The following ZNF277 variants were observed in gnomAD, a reference collection of about 807,000 sequenced individuals.
ZNF277 encodes the protein zinc finger protein 277, also known as nuclear receptor-interacting factor 4.
In ZNF277, 55 loss-of-function variants were observed where a neutral mutation model predicts 60.7. That is an observed-to-expected ratio of 0.91 (90% CI 0.73 to 1.13). The LOEUF is 1.13. Ranked by LOEUF, ZNF277 falls within the 50% of genes most tolerant of loss-of-function variation. ZNF277 has a pLI of 0.00. For synonymous variants in ZNF277, 178 were observed against 179.3 expected, an observed-to-expected ratio of 0.99 and a Z score of 0.06; for missense variants, 510 against 523.0, an observed-to-expected ratio of 0.98 and a Z score of 0.24.
rs922510451 is a variant in ZNF277 at position 112,243,736 on chromosome 7, A to G, written c.91+36929A>G. On this transcript the variant is annotated intron_variant, in intron 1 of 11. Coordinates refer to ENST00000361822, the MANE Select transcript of ZNF277 (RefSeq NM_021994.3). ...GTAAACTAGTACAACCATTATGGAA[A>G]ACATTTGAACATTTGTCAAAGAATT... Among the ~76,000 whole-genome samples the G allele has an allele frequency of 1.3e-5, 2 of 152,064 alleles. 1 individual carries two copies. The highest frequency in any genetic ancestry group is 4.1e-4 in the South Asian group (2 of 4,834).
chr7:112,231,844 T>C (rs1055979032), intron 1 of ZNF277, among the ~76,000 whole-genome samples: 1 of 152,028 alleles, frequency 6.6e-6, no homozygotes, highest in African/African-American at 2.4e-5. Flanking sequence ...TATGTATTCT[T>C]TCTGACTAGC....
At position 112,217,379 on chromosome 7, in the gene ZNF277, A is replaced by G. The variant is rs562544461; in HGVS notation, c.91+10572A>G. Among the ~76,000 whole-genome samples the G allele has an allele frequency of 3.5e-3, 526 of 152,372 alleles. 1 individual carries two copies. The highest frequency in any genetic ancestry group is 3.8e-3 in the Non-Finnish European group (261 of 68,024). On this transcript the variant is annotated intron_variant, in intron 1 of 11. Transcript: ENST00000361822. ...CAATACATTTTGCCTAGAGAAAATG[A>G]TAAGTAAATGGCAGCAATGGAAAAG...
At chr7:112,235,342 A>G (rs983924300) in intron 1 of ZNF277, among the ~76,000 whole-genome samples, 2 of 152,074 alleles carry the variant, frequency 1.3e-5, no homozygotes, top group African/African-American at 4.8e-5. Context: ...TGAACTGTCA[A>G]ACTGTTATAA....
intron 1 of ZNF277, among the ~76,000 whole-genome samples, chr7:112,226,586 A>T (rs989797942): frequency 6.6e-6 from 1 of 152,158 alleles, no homozygotes; most frequent in Non-Finnish European, 1.5e-5. Flanking sequence ...TTTCTGACCT[A>T]CTGTTCCAGA....
chr7:112,207,450 AAAAGG>A (rs1181006515), intron 1 of ZNF277, among the ~76,000 whole-genome samples: 1 of 152,206 alleles, frequency 6.6e-6, no homozygotes, highest in Admixed American at 6.5e-5. Flanking sequence ...TTAGAGAAAG[AAAAGG>A]AAAGTGATAG....
chr7:112,209,433 G>C (rs1208342201), intron 1 of ZNF277, among the ~76,000 whole-genome samples: 1 of 152,112 alleles, frequency 6.6e-6, no homozygotes, highest in Non-Finnish European at 1.5e-5. Context: ...ATGACTAGTA[G>C]ATTGAATTAA....
chr7:112,337,003 G>T (rs1483420566), intron 8 of ZNF277, among the ~76,000 whole-genome samples: 1 of 152,176 alleles, frequency 6.6e-6, no homozygotes, highest in Non-Finnish European at 1.5e-5. Flanking sequence ...TGTGAATTGG[G>T]TTAGGTTGAT....
At chr7:112,247,841 G>A (rs886185221) in intron 1 of ZNF277, among the ~76,000 whole-genome samples, 7 of 151,864 alleles carry the variant, frequency 4.6e-5, no homozygotes, top group South Asian at 4.2e-4. Context: ...GGTTGCGGGC[G>A]CCTGTAATCT....
rs979124350 is a variant in ZNF277 at position 112,294,082 on chromosome 7, C to T, written c.294-1787C>T. The stretch of plus-strand genomic sequence containing the variant: ...TTCTACTGTGTTCCTTCATCCCTGT[C>T]ACCACTTTGTAATAGAAAATGTGCT... On this transcript the variant is annotated intron_variant, in intron 2 of 11. Transcript: ENST00000361822. 2.6e-5 allele frequency among the ~76,000 whole-genome samples: 4 copies of T among 152,220 alleles called. No individual in the cohort carries two copies. The South Asian group carries it at 8.3e-4, about 32-fold the overall frequency.
At chr7:112,300,400 C>T (rs552027096) in intron 4 of ZNF277, among the ~76,000 whole-genome samples, 8 of 152,260 alleles carry the variant, frequency 5.3e-5, no homozygotes, top group African/African-American at 1.7e-4. Context: ...AAAATTCTCC[C>T]GTGATCTTGG....
At chr7:112,224,689 C>T (rs1822131625) in intron 1 of ZNF277, among the ~76,000 whole-genome samples, 1 of 152,174 alleles carries the variant, frequency 6.6e-6, no homozygotes. Context: ...CTTGATAAAA[C>T]TGAACTATGC....
rs748764409 is a variant in ZNF277, at chr7:112,206,801, T to A, written c.85T>A (p.Tyr29Asn). ...CTGCAGCACAGTCGGGGGTGTAGGT[T>A]ATGGGGGTGAGTACGGTGCCCCGGA... ...GSCSTVGGVGYGDSKDCILEP... is the reference protein window; with the variant it reads ...GSCSTVGGVGNGDSKDCILEP... The change falls in exon 1 of 12, where the codon TAT (tyrosine) becomes AAT (asparagine). Residue 29 changes from tyrosine to asparagine, a missense_variant. Tyr to Asn is a moderately radical substitution (Grantham distance 143). Transcript: ENST00000361822. The A allele has an allele frequency of 1.9e-6, 3 of 1,612,602 alleles. No homozygotes were observed. Among genetic ancestry groups the A allele is most frequent in the Non-Finnish European group, 2.5e-6 (3 of 1,179,418 alleles).
At chr7:112,256,401 CATTA>C (rs1246292149) in intron 1 of ZNF277, among the ~76,000 whole-genome samples, 1 of 145,568 alleles carries the variant, frequency 6.9e-6, no homozygotes, top group Non-Finnish European at 1.5e-5. Context: ...CAGGGAAGTC[CATTA>C]ATTAACTTCT....
intron 1 of ZNF277, among the ~76,000 whole-genome samples, chr7:112,270,481 C>T (rs10272126): frequency 0.14 from 21,714 of 151,952 alleles, 1,615 homozygotes; most frequent in Non-Finnish European, 0.15. Context: ...GAAAGCTCGG[C>T]CCTGATTGAT....
chr7:112,304,145 A>AT (rs1792540595), intron 4 of ZNF277, among the ~76,000 whole-genome samples: 1 of 152,156 alleles, frequency 6.6e-6, no homozygotes. Flanking sequence ...ATCATCTCTC[A>AT]TAAAATGCTG....
chr7:112,252,297 T>A (rs1216727424), intron 1 of ZNF277, among the ~76,000 whole-genome samples: 1 of 152,130 alleles, frequency 6.6e-6, no homozygotes, highest in African/African-American at 2.4e-5. Context: ...AAAACAAGGC[T>A]GCTGAGTGGA....
chr7:112,334,048 CA>C (rs1209226291), intron 7 of ZNF277, among the ~76,000 whole-genome samples: 4 of 152,156 alleles, frequency 2.6e-5, no homozygotes, highest in African/African-American at 9.7e-5. Flanking sequence ...TTAAAGTATA[CA>C]AAGCCACTTA....
chr7:112,318,013 C>G (rs183901432), intron 4 of ZNF277, among the ~76,000 whole-genome samples, 169 bp from the exon 5 acceptor site: 1 of 152,052 alleles, frequency 6.6e-6, no homozygotes, highest in South Asian at 2.1e-4. Flanking sequence ...TTTTATGGGA[C>G]AGACTTGGAG....
At chr7:112,339,974 G>A in intron 10 of ZNF277, 89 bp downstream of exon 10, 3 of 1,228,180 alleles carry the variant, frequency 2.4e-6, no homozygotes, top group Admixed American at 3.5e-5. Flanking sequence ...AGCTATGATT[G>A]GAGAGTGCAC....
Sources: gnomAD v4.1 joint callset for allele counts (sites outside exome capture counted in the v4.1 genomes callset) on GRCh38, gnomAD v4.1.1 for gene constraint, MANE v1.5 for transcripts, NCBI Gene and HGNC (gene_info 2026-07-23, HGNC 2026-07-21) for gene names.